The following PLCB2 variants were observed in gnomAD, a reference collection of about 807,000 sequenced individuals.
The protein encoded by PLCB2 is 1-phosphatidylinositol 4,5-bisphosphate phosphodiesterase beta-2.
A neutral mutation model predicts 141.7 loss-of-function variants in PLCB2; 115 were observed. The ratio of observed to expected loss-of-function variants is 0.81; its 90% confidence interval spans 0.70 to 0.95. The LOEUF is 0.95. PLCB2 is among the 40% of genes least tolerant of loss of function. The pLI is 0.00. For synonymous variants in PLCB2, 603 were observed against 595.6 expected, an observed-to-expected ratio of 1.01 and a Z score of -0.18; for missense variants, 1,403 against 1,541.1, an observed-to-expected ratio of 0.91 and a Z score of 1.50.
Position 40,291,486 on chromosome 15 carries a change from C to G in PLCB2, c.2649G>C (p.Glu883Asp). ...AREEAMKEAA[E>D]PRTASLEELR... The stretch of plus-strand genomic sequence containing the variant: ...GCTCCTCCAGGCTGGCGGTCCGCGG[C>G]TCTGCGGAGGCCCGGGTGAGGCGCA... Residue 883 changes from glutamate to aspartate, a missense_variant and splice_region_variant, in exon 26 of 32, where the codon GAG becomes GAC. Physicochemically the swap from Glu to Asp is conservative, Grantham distance 45 (BLOSUM62 2). This residue lies in a region of PLCB2 where 290 missense variants were observed against 245.9 expected (regional missense o/e 1.18). Coordinates refer to ENST00000260402, the MANE Select transcript of PLCB2 (RefSeq NM_004573.3). 1 of 1,583,452 alleles carries G rather than the reference C, an allele frequency of 6.3e-7. No individual in the cohort carries two copies. Among genetic ancestry groups the G allele is most frequent in the Non-Finnish European group, 8.6e-7 (1 of 1,169,566 alleles).
In PLCB2 at chr15:40,296,624, G is replaced by C. The variant is rs372844106; in HGVS notation, c.1497C>G (p.Gly499=). 1 of 1,612,416 alleles carries C rather than the reference G, an allele frequency of 6.2e-7. No homozygotes were observed. ...APAGEGTVWA[G]EEGTELEEEE... is the part of the protein sequence containing the mutation. ...CCTCCTCCAGCTCAGTCCCTTCCTC[G>C]CCAGCCCACACTGCCACATACAGCT... Residue 499 remains glycine, a synonymous_variant, in exon 15 of 32, where the codon GGC becomes GGG. Coordinates refer to ENST00000260402, the MANE Select transcript of PLCB2 (RefSeq NM_004573.3).
chr15:40,296,273 G>T (rs918333584), intron 16 of PLCB2, 23 bp downstream of exon 16: 2 of 1,578,212 alleles, frequency 1.3e-6, no homozygotes, highest in Non-Finnish European at 1.7e-6. Flanking sequence ...TTACCCACCC[G>T]TAAGTTACTC....
chr15:40,294,652 G>A (rs562812672), intron 18 of PLCB2, among the ~76,000 whole-genome samples: 9 of 152,322 alleles, frequency 5.9e-5, no homozygotes, highest in African/African-American at 2.2e-4. Flanking sequence ...AGGGACTGTG[G>A]TGGGAGCTGG....
At chr15:40,290,285 A>G (rs897906209) in intron 29 of PLCB2, among the ~76,000 whole-genome samples, 1 of 152,118 alleles carries the variant, frequency 6.6e-6, no homozygotes, top group East Asian at 1.9e-4. Context: ...CCATCAAAAC[A>G]CACTGTCCTT....
rs1355790468 is a variant in PLCB2 at position 40,289,365 on chromosome 15, G to A, written c.3268-7C>T. 1 of 1,608,228 alleles carries A rather than the reference G, an allele frequency of 6.2e-7. No homozygotes were observed. On this transcript the variant is annotated splice_polypyrimidine_tract_variant and splice_region_variant and intron_variant, in intron 30 of 31. Coordinates refer to ENST00000260402, the MANE Select transcript of PLCB2 (RefSeq NM_004573.3). ...TCTCCAAGTTCTCCGTCATCTGGGT[G>A]GGAGTGGATGGCAGAGAATCAGGAC...
chr15:40,303,996 C>T lies in PLCB2; in HGVS notation c.162+5G>A. ...CAGGGCCATGGCACACAAGGGTTTTCTCACCTTACTTTGATACGTCCAGTA... is the reference window on the plus strand; with the variant it reads ...CAGGGCCATGGCACACAAGGGTTTTTTCACCTTACTTTGATACGTCCAGTA... On this transcript the variant is annotated splice_donor_5th_base_variant and intron_variant, in intron 2 of 31. Transcript: ENST00000260402. 1.3e-6 allele frequency: 2 copies of T among 1,572,086 alleles called. No individual in the cohort carries two copies. Among genetic ancestry groups the T allele is most frequent in the Non-Finnish European group, 1.7e-6 (2 of 1,154,948 alleles).
chr15:40,307,613 C>T lies in PLCB2; in HGVS notation c.60G>A (p.Gly20=), dbSNP rs368536291. The T allele has an allele frequency of 9.2e-5, 146 of 1,588,322 alleles. 1 individual carries two copies. The African/African-American group carries it at 1.7e-3, about 19-fold the overall frequency. The change falls in exon 1 of 32, where the codon GGG becomes GGA. Residue 20 remains glycine (G), a synonymous_variant. Coordinates refer to ENST00000260402, the MANE Select transcript of PLCB2 (RefSeq NM_004573.3). ...PPKVKAYLSQ[G]ERFIKWDDET... is the part of the protein sequence containing the mutation. ...CATCATCCCATTTGATGAAGCGCTC[C>T]CCTTGGCTCAGATAGGCCTTCACCT... is the stretch of plus-strand genomic sequence containing the variant.
downstream of PLCB2, chr15:40,287,823 T>C: frequency 4.9e-6 from 3 of 618,192 alleles, no homozygotes; most frequent in Non-Finnish European, 6.1e-6. Context: ...GATTTTTTTT[T>C]CCCCAGCCCG....
In PLCB2 at chr15:40,293,595, G is replaced by A. The variant is rs936290085; in HGVS notation, c.2191C>T (p.Pro731Ser). 1.2e-5 allele frequency: 19 copies of A among 1,613,966 alleles called. No individual in the cohort carries two copies. The highest frequency in any genetic ancestry group is 1.5e-5 in the Non-Finnish European group (18 of 1,179,986). Residue 731 changes from proline to serine, a missense_variant, in exon 20 of 32, where the codon CCT becomes TCT. Physicochemically the swap from Pro to Ser is moderately conservative, Grantham distance 74 (BLOSUM62 -1). This residue lies in a region of PLCB2 where 975 missense variants were observed against 1,141.1 expected (regional missense o/e 0.85). Transcript: ENST00000260402. ...ACAAAGGGCTCCTCCTTCCAGACAG[G>A]ATTGATGGAGTTAGTACTGGGTGAC... is the stretch of plus-strand genomic sequence containing the variant. ...KLSPSTNSINPVWKEEPFVFE... is the reference protein window; with the variant it reads ...KLSPSTNSINSVWKEEPFVFE...
chr15:40,288,391 G>T lies in PLCB2; in HGVS notation c.*324C>A. On this transcript the variant is annotated 3_prime_UTR_variant, in exon 32 of 32. Coordinates refer to ENST00000260402, the MANE Select transcript of PLCB2 (RefSeq NM_004573.3). ...AGCTGGTTGCTCAATAGGAAAGGCAGAGTGGGGCCAGGATCCCACTTTCTG... is the reference window on the plus strand; with the variant it reads ...AGCTGGTTGCTCAATAGGAAAGGCATAGTGGGGCCAGGATCCCACTTTCTG... 9.3e-7 allele frequency: 1 copy of T among 1,080,186 alleles called. No individual in the cohort carries two copies. The highest frequency in any genetic ancestry group is 1.1e-6 in the Non-Finnish European group (1 of 890,180). 66.9% of individuals were successfully genotyped at this position (1,080,186 alleles called of 1,614,324 possible). A position where few individuals can be genotyped will look rare whatever the true frequency, so the allele number is the denominator to read the frequency against.
chr15:40,305,246 T>G (rs1438620418), intron 1 of PLCB2, among the ~76,000 whole-genome samples: 1 of 151,542 alleles, frequency 6.6e-6, no homozygotes, highest in Non-Finnish European at 1.5e-5. Context: ...TGTTACATAG[T>G]ATACATGTGC....
chr15:40,293,418 C>T (rs2040036264), intron 20 of PLCB2, 142 bp downstream of exon 20: 1 of 836,244 alleles, frequency 1.2e-6, no homozygotes, highest in Admixed American at 2.3e-5. Flanking sequence ...GGGTTTTGCA[C>T]TCTTGAAACA....
At chr15:40,301,532 C>T in intron 7 of PLCB2, 1 of 702,958 alleles carries the variant, frequency 1.4e-6, no homozygotes, top group South Asian at 1.5e-5. Context: ...TTCAGTTCCT[C>T]TCCCTCGACA....
rs919252156 is a variant in PLCB2 at position 40,297,378 on chromosome 15, G to A, written c.1323+143C>T. 65 of 705,706 alleles carry A rather than the reference G, an allele frequency of 9.2e-5. No homozygotes were observed. The highest frequency in any genetic ancestry group is 1.1e-4 in the Non-Finnish European group (43 of 386,810). The allele number at this position is 705,706 out of a possible 1,614,324, so 43.7% of individuals were successfully genotyped here. On this transcript the variant is annotated intron_variant, in intron 13 of 31. Coordinates refer to ENST00000260402, the MANE Select transcript of PLCB2 (RefSeq NM_004573.3). The surrounding 1 kb of genome is among the most constrained non-coding windows in gnomAD (Gnocchi z 4.2). ...AAGCCCAGCCCAGTGCCTGACACAC[G>A]GAAGGTGACAGGATCCCAGACCCGC...
intron 29 of PLCB2, 21 bp from the exon 30 acceptor site, chr15:40,290,103 T>C (rs1249058508): frequency 2.6e-6 from 4 of 1,544,204 alleles, no homozygotes; most frequent in Non-Finnish European, 3.6e-6. Context: ...AATTGGAGTT[T>C]TAGAAAAGGG....
Position 40,291,379 on chromosome 15 carries a change from C to G in PLCB2, c.2756G>C (p.Arg919Pro), listed in dbSNP as rs1318237229. The G allele has an allele frequency of 1.3e-6, 2 of 1,531,198 alleles. No individual in the cohort carries two copies. The highest frequency in any genetic ancestry group is 1.7e-6 in the Non-Finnish European group (2 of 1,144,604). 94.9% of individuals were successfully genotyped at this position (1,531,198 alleles called of 1,614,324 possible). ...GCCCCGCTGCAGCAGCTCCTCCCAG[C>G]GCCGCGCTCCGCGCCGCTCCAACTC... ...LRELERRGAR[R>P]WEELLQRGAA... The change falls in exon 26 of 32, where the codon CGC (arginine) becomes CCC (proline). Residue 919 changes from arginine (R) to proline (P), a missense_variant. Physicochemically the swap from Arg to Pro is moderately radical, Grantham distance 103. Around this residue, in one of 4 missense-constraint regions of PLCB2, gnomAD observed 290 missense variants for 245.9 expected, o/e 1.18. Coordinates refer to ENST00000260402, the MANE Select transcript of PLCB2 (RefSeq NM_004573.3).
chr15:40,299,698 C>T (rs1023298218), intron 7 of PLCB2, among the ~76,000 whole-genome samples: 6 of 152,004 alleles, frequency 3.9e-5, no homozygotes, highest in Non-Finnish European at 5.9e-5. Context: ...ACCAAAAGCA[C>T]CGGGACAAAG....
Position 40,290,081 on chromosome 15 carries a change from A to G in PLCB2, c.3211T>C (p.Leu1071=). The G allele has an allele frequency of 1.9e-6, 3 of 1,605,098 alleles. No individual in the cohort carries two copies. Among genetic ancestry groups the G allele is most frequent in the Non-Finnish European group, 2.6e-6 (3 of 1,172,278 alleles). ...TGGGAGTTGTTAATCTCTCTCTTCAACCTGTTGGTGTAATTGGAGTTTTAG... is the reference window on the plus strand; with the variant it reads ...TGGGAGTTGTTAATCTCTCTCTTCAGCCTGTTGGTGTAATTGGAGTTTTAG... ...VTTDKMAQER[L]KREINNSHIQ... is the part of the protein sequence containing the mutation. The change falls in exon 30 of 32, where the codon TTG becomes CTG. Residue 1071 remains leucine (L), a splice_region_variant and synonymous_variant. Coordinates refer to ENST00000260402, the MANE Select transcript of PLCB2 (RefSeq NM_004573.3).
In PLCB2 at chr15:40,288,599, A is replaced by G; in HGVS notation, c.*116T>C. 1 of 1,419,570 alleles carries G rather than the reference A, an allele frequency of 7.0e-7. No homozygotes were observed. Among genetic ancestry groups the G allele is most frequent in the East Asian group, 2.5e-5 (1 of 39,690 alleles). 87.9% of individuals were successfully genotyped at this position (1,419,570 alleles called of 1,614,324 possible). On this transcript the variant is annotated 3_prime_UTR_variant, in exon 32 of 32. Transcript: ENST00000260402. ...AGGAGGGGGCTGCAGCGTCCAAGGC[A>G]GCCACAGGTTCCCACAGCCTCAGAA... is the stretch of plus-strand genomic sequence containing the variant.
Sources: gnomAD v4.1 joint callset for allele counts (sites outside exome capture counted in the v4.1 genomes callset) on GRCh38, gnomAD v4.1.1 for gene constraint, gnomAD v4.1.1 regional missense constraint, Gnocchi (gnomAD v3.1) non-coding constraint, MANE v1.5 for transcripts, NCBI Gene and HGNC (gene_info 2026-07-23, HGNC 2026-07-21) for gene names.